UBA2: variants seen among roughly 807,000 people sequenced by gnomAD.
UBA2 encodes the protein ubiquitin like modifier activating enzyme 2.
A neutral mutation model predicts 77.2 loss-of-function variants in UBA2; 11 were observed. The observed-to-expected ratio is 0.14, with a 90% CI of 0.09 to 0.24. UBA2 has a LOEUF of 0.24. Ranked by LOEUF, UBA2 falls within the 10% of genes least tolerant of loss-of-function variation. UBA2 has a pLI of 1.00. For synonymous variants in UBA2, 278 were observed against 276.7 expected, an observed-to-expected ratio of 1.00 and a Z score of -0.05; for missense variants, 487 against 781.7, an observed-to-expected ratio of 0.62 and a Z score of 4.50.
At chr19:34,444,342 A>G (rs1212361535) in intron 7 of UBA2, among the ~76,000 whole-genome samples, 1 of 152,068 alleles carries the variant, frequency 6.6e-6, no homozygotes, top group African/African-American at 2.4e-5. Context: ...GGCGTAAGCA[A>G]CCGTGCCTAT....
chr19:34,441,387 G>A (rs572822375), intron 6 of UBA2, among the ~76,000 whole-genome samples: 5 of 152,134 alleles, frequency 3.3e-5, no homozygotes, highest in South Asian at 4.2e-4. Context: ...CCCGGGAGGC[G>A]GAGGTTGCAG....
chr19:34,449,301 TTCG>T (rs2075467103), intron 8 of UBA2, among the ~76,000 whole-genome samples: 1 of 143,120 alleles, frequency 7.0e-6, no homozygotes, highest in African/African-American at 2.5e-5. Flanking sequence ...ATCTCTTGAC[TTCG>T]TGATCCACCT....
At position 34,467,014 on chromosome 19, in the gene UBA2, GGTGA is replaced by G. The variant is rs1408118042; in HGVS notation, c.1741+3_1741+6del. On this transcript the variant is annotated splice_donor_variant and splice_donor_region_variant and intron_variant, in intron 16 of 16. Coordinates refer to ENST00000246548, the MANE Select transcript of UBA2 (RefSeq NM_005499.3). LOFTEE classifies it high-confidence loss of function. ...TGGAGCTCAGCCCTCCACCTCCACAGGTGAGTATGGCCCCAGCCAGCAGGTTGTT... is the reference window on the plus strand; with the variant it reads ...TGGAGCTCAGCCCTCCACCTCCACAGGTATGGCCCCAGCCAGCAGGTTGTT... 1.2e-6 allele frequency: 2 copies of G among 1,613,340 alleles called. No individual in the cohort carries two copies.
chr19:34,451,918 AGAGCAC>A (rs2075503454), intron 9 of UBA2, 57 bp from the exon 10 acceptor site: 2 of 891,680 alleles, frequency 2.2e-6, no homozygotes, highest in African/African-American at 1.7e-5. Context: ...CTTGTTAAAC[AGAGCAC>A]AGTAGAGGAA....
chr19:34,428,714 G>T, intron 1 of UBA2, 144 bp downstream of exon 1: 2 of 1,173,596 alleles, frequency 1.7e-6, no homozygotes, highest in Non-Finnish European at 2.1e-6. Flanking sequence ...GAGAGGCTCG[G>T]GTTGTGCCCC....
chr19:34,448,975 AT>A (rs1192497978), intron 8 of UBA2, among the ~76,000 whole-genome samples: 3 of 151,966 alleles, frequency 2.0e-5, no homozygotes, highest in African/African-American at 7.3e-5. Context: ...TACCCAAGTC[AT>A]AGTGGATTCA....
chr19:34,467,965 T>A (rs1568388321), intron 16 of UBA2, among the ~76,000 whole-genome samples: 1 of 152,218 alleles, frequency 6.6e-6, no homozygotes, highest in Admixed American at 6.5e-5. Context: ...TCTGACTATT[T>A]TGAGTGAACA....
chr19:34,453,584 C>G (rs573672619), intron 10 of UBA2, among the ~76,000 whole-genome samples: 1 of 147,960 alleles, frequency 6.8e-6, no homozygotes, highest in African/African-American at 2.5e-5. Flanking sequence ...AGTGCAGTGG[C>G]ATGATCTTGG....
chr19:34,440,782 C>T lies in UBA2; in HGVS notation c.581+2016C>T, dbSNP rs141268205. ...TCTCTATTAAAAATACAAAATTAGCCGGACATGGTGGTGGGCGCCTATAAT... is the reference window on the plus strand; with the variant it reads ...TCTCTATTAAAAATACAAAATTAGCTGGACATGGTGGTGGGCGCCTATAAT... On this transcript the variant is annotated intron_variant, in intron 6 of 16. Coordinates refer to ENST00000246548, the MANE Select transcript of UBA2 (RefSeq NM_005499.3). 5.9e-3 allele frequency among the ~76,000 whole-genome samples: 898 copies of T among 152,074 alleles called. 6 individuals carry two copies. The highest frequency in any genetic ancestry group is 0.02 in the African/African-American group (844 of 41,492).
rs2075714799 is a variant in UBA2 at position 34,469,053 on chromosome 19, T to C, written c.1755T>C (p.Asp585=). ...QPSTSTAQEQ[D]DVLIVDSDEE... ...TTCTGAAATAAGCTCAAGAGCAAGATGACGTTCTCATAGTTGATTCAGATG... is the reference window on the plus strand; with the variant it reads ...TTCTGAAATAAGCTCAAGAGCAAGACGACGTTCTCATAGTTGATTCAGATG... Residue 585 remains aspartate (D), a synonymous_variant, in exon 17 of 17, where the codon GAT becomes GAC. Coordinates refer to ENST00000246548, the MANE Select transcript of UBA2 (RefSeq NM_005499.3). 6.2e-7 allele frequency: 1 copy of C among 1,605,834 alleles called. No homozygotes were observed. Among genetic ancestry groups the C allele is most frequent in the East Asian group, 2.2e-5 (1 of 44,790 alleles).
chr19:34,464,974 G>T lies in UBA2; in HGVS notation c.1604+843G>T, dbSNP rs1051256492. ...AATCCCAGAAACTTAGGAGGCAGAG[G>T]TTGCAGTGAGCCAAGATTGCGTCAT... On this transcript the variant is annotated intron_variant, in intron 15 of 16. Transcript: ENST00000246548. 2.6e-5 allele frequency among the ~76,000 whole-genome samples: 4 copies of T among 152,236 alleles called. No homozygotes were observed. The South Asian group carries it at 8.3e-4, about 32-fold the overall frequency.
At chr19:34,446,793 TA>T (rs1450767769) in intron 8 of UBA2, among the ~76,000 whole-genome samples, 7 of 151,696 alleles carry the variant, frequency 4.6e-5, no homozygotes, top group African/African-American at 1.5e-4. Context: ...TTTTAGTAGA[TA>T]GGGGGTTTCA....
intron 6 of UBA2, among the ~76,000 whole-genome samples, chr19:34,441,573 T>A (rs2075369981): frequency 6.6e-6 from 1 of 152,250 alleles, no homozygotes; most frequent in Non-Finnish European, 1.5e-5. Flanking sequence ...AACATTGTCT[T>A]TAATTTTTGC....
chr19:34,440,287 G>A (rs1339781399), intron 6 of UBA2, among the ~76,000 whole-genome samples: 1 of 146,706 alleles, frequency 6.8e-6, no homozygotes, highest in Admixed American at 6.9e-5. Flanking sequence ...CAGCCTGGGG[G>A]ACAGCATGAG....
chr19:34,437,614 AAAAG>A (rs1337118368), intron 5 of UBA2, among the ~76,000 whole-genome samples: 6 of 152,136 alleles, frequency 3.9e-5, no homozygotes, highest in Admixed American at 2.6e-4. Flanking sequence ...GTCTCAGACA[AAAAG>A]AAAAAAAGAA....
chr19:34,469,270 C>T lies in UBA2; in HGVS notation c.*49C>T, dbSNP rs2075717247. On this transcript the variant is annotated 3_prime_UTR_variant, in exon 17 of 17. Transcript: ENST00000246548. ...CCTCTTACTATTTAGTTTATCTGGG[C>T]AGAACCAGATTGTTATGTCCTTTGT... 1.4e-6 allele frequency: 2 copies of T among 1,457,222 alleles called. No individual in the cohort carries two copies. The highest frequency in any genetic ancestry group is 1.8e-6 in the Non-Finnish European group (2 of 1,104,148). 90.3% of individuals were successfully genotyped at this position (1,457,222 alleles called of 1,614,324 possible). A position where few individuals can be genotyped will look rare whatever the true frequency, so the allele number is the denominator to read the frequency against.
chr19:34,431,779 A>G (rs960519587), intron 2 of UBA2, 82 bp from the exon 3 acceptor site: 2 of 1,219,836 alleles, frequency 1.6e-6, no homozygotes, highest in East Asian at 2.3e-5. Context: ...ATGTAAGTAG[A>G]TAACAGCATT....
chr19:34,432,099 G>T, intron 3 of UBA2, 168 bp downstream of exon 3: 1 of 481,554 alleles, frequency 2.1e-6, no homozygotes, highest in Non-Finnish European at 3.7e-6. Flanking sequence ...ATAAATACAT[G>T]GTTTGAATGA....
intron 13 of UBA2, 140 bp downstream of exon 13, chr19:34,459,064 G>C: frequency 1.0e-5 from 9 of 865,828 alleles, no homozygotes; most frequent in Non-Finnish European, 1.5e-5. Flanking sequence ...TTGCCTTCTG[G>C]ATTCCTGCAG....
Sources: allele counts gnomAD v4.1 joint callset (sites outside exome capture counted in the v4.1 genomes callset), GRCh38; gene constraint gnomAD v4.1.1; transcripts MANE v1.5; gene names NCBI Gene and HGNC (gene_info 2026-07-23, HGNC 2026-07-21).